DMD: variants seen among roughly 807,000 people sequenced by gnomAD.
DMD encodes the protein mutant dystrophin.
DMD carries 63 observed loss-of-function variants against 330.1 expected under a neutral mutation model. The observed-to-expected ratio is 0.19, with a 90% CI of 0.16 to 0.24. The LOEUF (loss-of-function observed/expected upper bound fraction) is 0.24. Among genes scored for constraint, DMD ranks in the 10% least tolerant of loss-of-function variants. The pLI is 1.00. For synonymous variants in DMD, 1,223 were observed against 959.8 expected (o/e 1.27, Z -5.07); for missense variants, 3,344 against 2,684.1 (o/e 1.25, Z -5.43).
At chrX:32,034,163 T>G (rs769387711) in intron 44 of DMD, among the ~76,000 whole-genome samples, 1 of 112,053 alleles carries the variant, frequency 8.9e-6, no homozygotes, top group East Asian at 2.8e-4. Flanking sequence ...CTGGCATACA[T>G]TTCTAATGTG....
At chrX:31,473,202 C>T (rs1446712253) in intron 59 of DMD, among the ~76,000 whole-genome samples, 1 of 90,471 alleles carries the variant, frequency 1.1e-5, no homozygotes, top group Admixed American at 1.2e-4. Context: ...ACTAAAAAAT[C>T]CAAAAAAAAA....
chrX:32,231,878 A>G (rs1217510635), intron 43 of DMD, among the ~76,000 whole-genome samples: 3 of 111,627 alleles, frequency 2.7e-5, no homozygotes, highest in Non-Finnish European at 5.6e-5. Context: ...ATAATTCTCA[A>G]TTATAAAATA....
chrX:31,701,084 T>G (rs1266988705), intron 52 of DMD, among the ~76,000 whole-genome samples: 1 of 112,637 alleles, frequency 8.9e-6, no homozygotes, highest in Non-Finnish European at 1.9e-5. Context: ...GTCACCAGCA[T>G]GCAATGCACA....
At chrX:31,680,070 C>G (rs1178175386) in intron 52 of DMD, among the ~76,000 whole-genome samples, 1 of 112,004 alleles carries the variant, frequency 8.9e-6, no homozygotes, top group Non-Finnish European at 1.9e-5. Flanking sequence ...TATATAATGA[C>G]TAATTGTAGG....
At chrX:32,573,157 A>G (rs750642206) in intron 15 of DMD, among the ~76,000 whole-genome samples, 6 of 111,765 alleles carry the variant, frequency 5.4e-5, no homozygotes, top group Non-Finnish European at 1.1e-4. Context: ...CAATGTCAGG[A>G]TAACCGTCGC....
intron 1 of DMD, among the ~76,000 whole-genome samples, chrX:33,041,905 A>G (rs192662915): frequency 5.6e-5 from 6 of 106,268 alleles, no homozygotes; most frequent in East Asian, 5.9e-4. Context: ...AAAAAAATCC[A>G]TACGTGATGT....
At chrX:32,757,216 A>G (rs964959790) in intron 7 of DMD, among the ~76,000 whole-genome samples, 1 of 111,443 alleles carries the variant, frequency 9.0e-6, no homozygotes, top group African/African-American at 3.3e-5. Flanking sequence ...TCAAGCATAC[A>G]ATACATTGCT....
At chrX:31,306,510 G>A (rs1011985485) in intron 62 of DMD, among the ~76,000 whole-genome samples, 10 of 111,457 alleles carry the variant, frequency 9.0e-5, no homozygotes, top group African/African-American at 3.3e-4. Context: ...GATTTCCTTA[G>A]GTATATTATT....
intron 55 of DMD, among the ~76,000 whole-genome samples, chrX:31,581,097 A>G (rs776446051): frequency 2.7e-4 from 30 of 112,079 alleles, no homozygotes; most frequent in African/African-American, 9.7e-4. Context: ...CTTCTCCTTT[A>G]TTTTAGCAAT....
At chrX:31,961,542 A>G (rs1040112937) in intron 45 of DMD, among the ~76,000 whole-genome samples, 3 of 111,489 alleles carry the variant, frequency 2.7e-5, no homozygotes, top group Non-Finnish European at 5.6e-5. Context: ...GTAAATAGGT[A>G]TGATACATGA....
intron 1 of DMD, among the ~76,000 whole-genome samples, chrX:33,248,103 G>A (rs982015259): frequency 2.7e-5 from 3 of 110,798 alleles, no homozygotes; most frequent in East Asian, 2.8e-4. Context: ...GTGCGGTGGC[G>A]CGATCTCAGC....
intron 1 of DMD, among the ~76,000 whole-genome samples, chrX:33,026,000 G>T (rs1188160169): frequency 9.0e-6 from 1 of 111,654 alleles, no homozygotes; most frequent in South Asian, 3.7e-4. Flanking sequence ...AGAAACTCAC[G>T]TAGTGAAGAA....
chrX:32,829,181 T>G (rs1159703052), intron 4 of DMD, among the ~76,000 whole-genome samples: 1 of 111,569 alleles, frequency 9.0e-6, no homozygotes, highest in Non-Finnish European at 1.9e-5. Flanking sequence ...ATTGTGGAGT[T>G]TTTTTCTTTT....
chrX:32,893,460 A>T (rs1482821501), intron 2 of DMD, among the ~76,000 whole-genome samples: 1 of 41,200 alleles, frequency 2.4e-5, no homozygotes, highest in Non-Finnish European at 5.1e-5. Context: ...TTTACAAGAT[A>T]TATGTGAATT....
At chrX:32,060,280 T>C (rs1200968640) in intron 44 of DMD, among the ~76,000 whole-genome samples, 1 of 110,876 alleles carries the variant, frequency 9.0e-6, no homozygotes, top group African/African-American at 3.3e-5. Flanking sequence ...CAACTTTGAG[T>C]GGTTTCCCTA....
At chrX:32,467,348 T>G (rs2040134310) in intron 23 of DMD, among the ~76,000 whole-genome samples, 1 of 111,123 alleles carries the variant, frequency 9.0e-6, no homozygotes, top group Non-Finnish European at 1.9e-5. Flanking sequence ...ATTTTAGGCT[T>G]TTAGACCTTA....
intron 62 of DMD, among the ~76,000 whole-genome samples, chrX:31,264,105 C>G (rs771493946): frequency 8.9e-6 from 1 of 112,201 alleles, no homozygotes. Context: ...CCTTGAAGGA[C>G]AAACCACATT....
chrX:33,094,081 T>A (rs976936253), intron 1 of DMD, among the ~76,000 whole-genome samples: 1 of 111,261 alleles, frequency 9.0e-6, no homozygotes, highest in East Asian at 2.8e-4. Context: ...TGTGTGTTTT[T>A]TTTTTCTGCA....
chrX:32,514,559 G>T (rs1214806995), intron 18 of DMD, among the ~76,000 whole-genome samples: 1 of 111,620 alleles, frequency 9.0e-6, no homozygotes, highest in African/African-American at 3.3e-5. Context: ...GGCTAACACG[G>T]TGAAACCCCG....
Sources: gnomAD v4.1 joint callset for allele counts (sites outside exome capture counted in the v4.1 genomes callset) on GRCh38, gnomAD v4.1.1 for gene constraint, MANE v1.5 for transcripts, NCBI Gene and HGNC (gene_info 2026-07-23, HGNC 2026-07-21) for gene names.